ARHGAP5: variants seen among roughly 807,000 people sequenced by gnomAD.
ARHGAP5 encodes the protein Rho GTPase activating protein 5.
In ARHGAP5, 23 loss-of-function variants were observed where a neutral mutation model predicts 116.6. The observed-to-expected ratio is 0.20, with a 90% CI of 0.14 to 0.28. ARHGAP5 has a LOEUF of 0.28. Among genes scored for constraint, ARHGAP5 ranks in the 10% least tolerant of loss-of-function variants. The pLI, the probability that ARHGAP5 is intolerant of heterozygous loss-of-function variation, is 1.00. For missense variants in ARHGAP5, 1,405 were observed against 1,774.8 expected (o/e 0.79, Z 3.74); for synonymous variants, 574 against 602.0 (o/e 0.95, Z 0.68).
chr14:32,081,756 T>G (rs1211627748), intron 1 of ARHGAP5, among the ~76,000 whole-genome samples: 1 of 152,196 alleles, frequency 6.6e-6, no homozygotes, highest in Non-Finnish European at 1.5e-5. Context: ...GCTTCTGATA[T>G]GGCATAATTT....
intron 3 of ARHGAP5, among the ~76,000 whole-genome samples, chr14:32,123,438 A>T (rs1315965469): frequency 6.6e-6 from 1 of 151,724 alleles, no homozygotes. Context: ...TACCCATTAT[A>T]TTGATGTTTT....
intron 3 of ARHGAP5, among the ~76,000 whole-genome samples, chr14:32,128,344 G>C (rs958051459): frequency 3.9e-5 from 6 of 152,260 alleles, no homozygotes; most frequent in Non-Finnish European, 8.8e-5. Context: ...GGGAGGTGGA[G>C]GTTGTAGCGA....
chr14:32,085,882 G>A (rs1056163595), intron 1 of ARHGAP5, among the ~76,000 whole-genome samples: 1 of 152,084 alleles, frequency 6.6e-6, no homozygotes, highest in Non-Finnish European at 1.5e-5. Flanking sequence ...AGATTGTTAT[G>A]CTGGCTAAGT....
At position 32,091,095 on chromosome 14, in the gene ARHGAP5, A is replaced by G. The variant is rs779619199; in HGVS notation, c.426A>G (p.Gln142=). 9 of 1,613,608 alleles carry G rather than the reference A, an allele frequency of 5.6e-6. No individual in the cohort carries two copies. The African/African-American group carries it at 1.1e-4, about 19-fold the overall frequency. The stretch of plus-strand genomic sequence containing the variant: ...GCACTGATCAGCTAGGCTTAGAACA[A>G]GACTTTGAACAGAAGCAAATGCCTG... The part of the protein sequence containing the change: ...YICTDQLGLE[Q]DFEQKQMPEG... The change falls in exon 2 of 7, where the codon CAA becomes CAG. Residue 142 remains glutamine, a synonymous_variant. Coordinates refer to ENST00000345122, the MANE Select transcript of ARHGAP5 (RefSeq NM_001030055.2).
At chr14:32,079,534 G>C (rs1178348996) in intron 1 of ARHGAP5, among the ~76,000 whole-genome samples, 4 of 152,240 alleles carry the variant, frequency 2.6e-5, no homozygotes, top group South Asian at 4.1e-4. Flanking sequence ...TTTTTGGAGA[G>C]TTATTTTGAC....
chr14:32,096,554 G>A (rs115883427), intron 2 of ARHGAP5, among the ~76,000 whole-genome samples: 3,213 of 152,190 alleles, frequency 0.021, 123 homozygotes, highest in African/African-American at 0.072. Flanking sequence ...CAACAATTCC[G>A]TGCCACAAGT....
At chr14:32,082,009 ATTAG>A (rs1197378769) in intron 1 of ARHGAP5, among the ~76,000 whole-genome samples, 2 of 152,130 alleles carry the variant, frequency 1.3e-5, no homozygotes, top group Non-Finnish European at 2.9e-5. Context: ...TCAGGCATTA[ATTAG>A]TTAGATTCAC....
rs952573390 is a variant in ARHGAP5, at chr14:32,159,152, A to G, written c.*4204A>G. 1 of 152,160 alleles carries G rather than the reference A, an allele frequency of 6.6e-6. No individual in the cohort carries two copies. Among genetic ancestry groups the G allele is most frequent in the African/African-American group, 2.4e-5 (1 of 41,466 alleles). 9.4% of individuals were successfully genotyped at this position (152,160 alleles called of 1,614,324 possible). A position where few individuals can be genotyped will look rare whatever the true frequency, so the allele number is the denominator to read the frequency against. On this transcript the variant is annotated 3_prime_UTR_variant, in exon 7 of 7. Transcript: ENST00000345122. ...GCATTTTAGTTAATACTAAATGCAT[A>G]AAATTATAACCCTTGAAATTAATTT...
intron 3 of ARHGAP5, among the ~76,000 whole-genome samples, chr14:32,120,081 T>C (rs1879806845): frequency 6.6e-6 from 1 of 152,150 alleles, no homozygotes. Flanking sequence ...GATTTCGACC[T>C]GGAATTTGTT....
chr14:32,141,610 C>T (rs551012034), intron 3 of ARHGAP5, among the ~76,000 whole-genome samples: 2 of 152,210 alleles, frequency 1.3e-5, no homozygotes, highest in African/African-American at 4.8e-5. Context: ...TTTTGTATGG[C>T]TTCAAGTTAC....
chr14:32,088,882 T>C (rs1175742857), intron 1 of ARHGAP5, among the ~76,000 whole-genome samples: 4 of 151,998 alleles, frequency 2.6e-5, no homozygotes, highest in African/African-American at 9.6e-5. Context: ...AGCTCTGTTT[T>C]ATAGATGAAG....
intron 2 of ARHGAP5, among the ~76,000 whole-genome samples, chr14:32,116,542 G>C (rs1013181662): frequency 5.9e-5 from 9 of 152,050 alleles, no homozygotes; most frequent in Non-Finnish European, 7.4e-5. Flanking sequence ...GCAGTGAGCC[G>C]AGATCGCGTC....
intron 2 of ARHGAP5, among the ~76,000 whole-genome samples, chr14:32,112,057 T>C (rs1203722306): frequency 1.3e-5 from 2 of 152,038 alleles, no homozygotes; most frequent in African/African-American, 4.8e-5. Context: ...GACATTGCGA[T>C]CCGCCCGTTT....
intron 2 of ARHGAP5, among the ~76,000 whole-genome samples, chr14:32,101,849 G>A (rs1878807142): frequency 6.6e-6 from 1 of 152,130 alleles, no homozygotes; most frequent in African/African-American, 2.4e-5. Context: ...CAGGCGTGGT[G>A]GTGTGTACCT....
chr14:32,116,112 C>A (rs1484040381), intron 2 of ARHGAP5, among the ~76,000 whole-genome samples: 13 of 141,922 alleles, frequency 9.2e-5, no homozygotes, highest in African/African-American at 3.2e-4. Flanking sequence ...ACGGTGAAAC[C>A]CCCGTCTCTA....
chr14:32,114,734 A>G (rs1247161867), intron 2 of ARHGAP5, among the ~76,000 whole-genome samples: 2 of 152,212 alleles, frequency 1.3e-5, no homozygotes, highest in Non-Finnish European at 2.9e-5. Flanking sequence ...TGAAATTGAA[A>G]GGATTTAATT....
At position 32,156,671 on chromosome 14, in the gene ARHGAP5, C is replaced by T. The variant is rs1010816298; in HGVS notation, c.*1723C>T. On this transcript the variant is annotated 3_prime_UTR_variant, in exon 7 of 7. Transcript: ENST00000345122. ...GTAAATGTAGTATTCTTAACCTGTT[C>T]TATATTACTTATACCTATTGTCTAT... 6.6e-6 allele frequency: 1 copy of T among 152,218 alleles called. No homozygotes were observed. Among genetic ancestry groups the T allele is most frequent in the Non-Finnish European group, 1.5e-5 (1 of 67,786 alleles). 9.4% of individuals were successfully genotyped at this position (152,218 alleles called of 1,614,324 possible). A position where few individuals can be genotyped will look rare whatever the true frequency, so the allele number is the denominator to read the frequency against.
chr14:32,145,967 A>T (rs753616815), intron 3 of ARHGAP5, among the ~76,000 whole-genome samples: 55 of 151,664 alleles, frequency 3.6e-4, no homozygotes, highest in Admixed American at 1.7e-3. Flanking sequence ...TTTTTTTTGG[A>T]GACAGGGTCT....
At chr14:32,119,988 A>G (rs772277818) in intron 3 of ARHGAP5, among the ~76,000 whole-genome samples, 4 of 152,144 alleles carry the variant, frequency 2.6e-5, no homozygotes, top group Non-Finnish European at 5.9e-5. Flanking sequence ...CTGGCATCAT[A>G]GATTAAGTTT....
Sources: gnomAD v4.1 joint callset for allele counts (sites outside exome capture counted in the v4.1 genomes callset) on GRCh38, gnomAD v4.1.1 for gene constraint, MANE v1.5 for transcripts, NCBI Gene and HGNC (gene_info 2026-07-23, HGNC 2026-07-21) for gene names.